The following ADIPOR2 variants were observed in gnomAD, a reference collection of about 807,000 sequenced individuals.
The protein encoded by ADIPOR2 is adiponectin receptor protein 2.
ADIPOR2 carries 18 observed loss-of-function variants against 40.9 expected under a neutral mutation model. The ratio of observed to expected loss-of-function variants is 0.44; its 90% CI spans 0.30 to 0.65. ADIPOR2 has a LOEUF of 0.65. Among genes scored for constraint, ADIPOR2 ranks in the 30% least tolerant of loss-of-function variants. The probability of loss-of-function intolerance (pLI) is 0.09; values close to 1 mark genes in which losing one functional copy is unlikely to be tolerated. For missense variants in ADIPOR2, 283 were observed against 479.2 expected, an observed-to-expected ratio of 0.59 and a Z score of 3.82; for synonymous variants, 165 against 166.4, an observed-to-expected ratio of 0.99 and a Z score of 0.06.
At chr12:1,729,906 G>A (rs1300779507) in intron 1 of ADIPOR2, among the ~76,000 whole-genome samples, 1 of 152,066 alleles carries the variant, frequency 6.6e-6, no homozygotes, top group Non-Finnish European at 1.5e-5. Flanking sequence ...ATTAATGAAT[G>A]AATGAACTTG....
chr12:1,728,686 T>C (rs886337978), intron 1 of ADIPOR2, among the ~76,000 whole-genome samples: 5 of 151,858 alleles, frequency 3.3e-5, no homozygotes, highest in Non-Finnish European at 5.9e-5. Flanking sequence ...ATGGCGCCAT[T>C]GCACTCTAGG....
chr12:1,770,392 CTCTT>C (rs1457380811), intron 2 of ADIPOR2, among the ~76,000 whole-genome samples: 1 of 152,174 alleles, frequency 6.6e-6, no homozygotes, highest in Non-Finnish European at 1.5e-5. Flanking sequence ...AGAATAAAGA[CTCTT>C]TGTTTCTGTT....
chr12:1,767,918 C>G (rs1862418435), intron 2 of ADIPOR2, among the ~76,000 whole-genome samples: 2 of 152,084 alleles, frequency 1.3e-5, no homozygotes, highest in Admixed American at 1.3e-4. Context: ...GTCTGTTGTT[C>G]AGTTAAATGA....
intron 2 of ADIPOR2, among the ~76,000 whole-genome samples, chr12:1,755,640 C>G (rs548527923): frequency 1.1e-3 from 164 of 152,300 alleles, no homozygotes; most frequent in African/African-American, 3.7e-3. Context: ...CTTTAGGCAA[C>G]TATACCTATA....
chr12:1,762,498 A>G (rs186105275), intron 2 of ADIPOR2, among the ~76,000 whole-genome samples: 10 of 152,304 alleles, frequency 6.6e-5, no homozygotes, highest in African/African-American at 2.4e-4. Flanking sequence ...CAACAAATAT[A>G]AAGTTCTGTG....
chr12:1,771,182 CAG>C (rs1331417172), intron 2 of ADIPOR2, among the ~76,000 whole-genome samples: 14 of 152,160 alleles, frequency 9.2e-5, no homozygotes, highest in Admixed American at 5.2e-4. Flanking sequence ...ACAACAGACA[CAG>C]TGGTGCATAC....
At chr12:1,723,496 G>A (rs963269035) in intron 1 of ADIPOR2, among the ~76,000 whole-genome samples, 2 of 150,120 alleles carry the variant, frequency 1.3e-5, no homozygotes, top group African/African-American at 2.5e-5. Context: ...AATTAGCCAG[G>A]CGTGGTGGTG....
chr12:1,693,300 T>C (rs1478329537), intron 1 of ADIPOR2, among the ~76,000 whole-genome samples: 1 of 108,598 alleles, frequency 9.2e-6, no homozygotes, highest in Non-Finnish European at 2.3e-5. Flanking sequence ...CTTATATTTA[T>C]TTACTATGTG....
chr12:1,732,331 C>A (rs1227668675), intron 1 of ADIPOR2, among the ~76,000 whole-genome samples: 1 of 152,180 alleles, frequency 6.6e-6, no homozygotes, highest in African/African-American at 2.4e-5. Flanking sequence ...ATCCCTAAAT[C>A]CCTGCCAACC....
At position 1,785,943 on chromosome 12, in the gene ADIPOR2, G is replaced by C; in HGVS notation, c.1033-1G>C. ...CCCTTCTCTTCTTTTTTCCCCTCCA[G>C]TTTCACTCTCATCAGCTGTTTCATA... On this transcript the variant is annotated splice_acceptor_variant, in intron 7 of 7. Transcript: ENST00000357103. LOFTEE classifies it high-confidence loss of function. 1 of 1,613,048 alleles carries C rather than the reference G, an allele frequency of 6.2e-7. No homozygotes were observed. Among genetic ancestry groups the C allele is most frequent in the Non-Finnish European group, 8.5e-7 (1 of 1,179,698 alleles).
chr12:1,732,243 C>T (rs1403450433), intron 1 of ADIPOR2, among the ~76,000 whole-genome samples: 3 of 152,176 alleles, frequency 2.0e-5, no homozygotes, highest in African/African-American at 7.2e-5. Flanking sequence ...GGTTTTGACA[C>T]ATGTATGAAA....
At chr12:1,697,165 A>G (rs994611412) in intron 1 of ADIPOR2, 1 of 152,252 alleles carries the variant, frequency 6.6e-6, no homozygotes, top group Non-Finnish European at 1.5e-5. Flanking sequence ...AGAGATTTCT[A>G]GCTGTGTGCT....
At chr12:1,756,450 TTC>T (rs1217892386) in intron 2 of ADIPOR2, among the ~76,000 whole-genome samples, 1 of 131,232 alleles carries the variant, frequency 7.6e-6, no homozygotes, top group Non-Finnish European at 1.6e-5. Context: ...GTGCCTGGCC[TTC>T]TTTTTTTTTT....
At chr12:1,730,739 A>C (rs1024064100) in intron 1 of ADIPOR2, 1 of 152,114 alleles carries the variant, frequency 6.6e-6, no homozygotes. Context: ...AATCTTTAGC[A>C]TCAGTTGGGC....
At position 1,721,476 on chromosome 12, in the gene ADIPOR2, A is replaced by G. The variant is rs140489540; in HGVS notation, c.-87+30285A>G. ...ACTGATCCGCTTGCCTTGGCCTGCCACAGTGCTGGGATTACAGGCGTGAGC... is the reference window on the plus strand; with the variant it reads ...ACTGATCCGCTTGCCTTGGCCTGCCGCAGTGCTGGGATTACAGGCGTGAGC... On this transcript the variant is annotated intron_variant, in intron 1 of 7. Transcript: ENST00000357103. Among the ~76,000 whole-genome samples the G allele has an allele frequency of 4.3e-3, 662 of 152,266 alleles. 4 individuals carry two copies. The highest frequency in any genetic ancestry group is 0.015 in the African/African-American group (631 of 41,560).
intron 1 of ADIPOR2, among the ~76,000 whole-genome samples, chr12:1,693,909 G>C (rs2094632707): frequency 6.6e-6 from 1 of 152,010 alleles, no homozygotes; most frequent in Admixed American, 6.6e-5. Flanking sequence ...CTGCATTGGA[G>C]GTCTTTCTAG....
chr12:1,723,661 A>AAAACT (rs1204522862), intron 1 of ADIPOR2, among the ~76,000 whole-genome samples: 6 of 150,354 alleles, frequency 4.0e-5, no homozygotes, highest in Non-Finnish European at 8.9e-5. Context: ...AAAACAAAAC[A>AAAACT]AAACAACAAC....
chr12:1,716,429 G>C (rs545824059), intron 1 of ADIPOR2, among the ~76,000 whole-genome samples: 1 of 152,158 alleles, frequency 6.6e-6, no homozygotes, highest in South Asian at 2.1e-4. Context: ...TAGTATTGCT[G>C]TTAGTCATTA....
chr12:1,770,826 A>T (rs550438234), intron 2 of ADIPOR2, among the ~76,000 whole-genome samples: 2 of 152,206 alleles, frequency 1.3e-5, no homozygotes, highest in Admixed American at 6.5e-5. Flanking sequence ...AAGTCAGAAG[A>T]AGTAGTCAGA....
Sources: gnomAD v4.1 joint callset for allele counts (sites outside exome capture counted in the v4.1 genomes callset) on GRCh38, gnomAD v4.1.1 for gene constraint, MANE v1.5 for transcripts, NCBI Gene and HGNC (gene_info 2026-07-23, HGNC 2026-07-21) for gene names.